AGBL2: variants seen among roughly 807,000 people sequenced by gnomAD.
AGBL2 encodes AGBL carboxypeptidase 2.
A neutral mutation model predicts 103.0 loss-of-function variants in AGBL2; 87 were observed. The observed-to-expected ratio is 0.84, with a 90% CI of 0.71 to 1.01. The LOEUF is 1.01. AGBL2 is among the 50% of genes least tolerant of loss of function. The pLI, the probability that AGBL2 is intolerant of heterozygous loss-of-function variation, is 0.00. For missense variants in AGBL2, 904 were observed against 1,023.5 expected (o/e 0.88, Z 1.59); for synonymous variants, 335 against 356.7 (o/e 0.94, Z 0.69).
intron 14 of AGBL2, 47 bp downstream of exon 14, chr11:47,677,224 C>A: frequency 6.9e-7 from 1 of 1,447,480 alleles, no homozygotes; most frequent in Non-Finnish European, 9.2e-7. Flanking sequence ...CCCAGGTTAA[C>A]AACAAAGTAT....
intron 17 of AGBL2, among the ~76,000 whole-genome samples, chr11:47,665,901 C>A (rs1175033860): frequency 6.6e-6 from 1 of 151,910 alleles, no homozygotes; most frequent in Admixed American, 6.6e-5. Context: ...CCCAGCTACT[C>A]GGGAGGCTGA....
chr11:47,674,212 G>A (rs1248683080), intron 14 of AGBL2, among the ~76,000 whole-genome samples: 1 of 152,156 alleles, frequency 6.6e-6, no homozygotes, highest in African/African-American at 2.4e-5. Flanking sequence ...TGGCAGGAGG[G>A]TGAAGGAGGG....
intron 1 of AGBL2, 59 bp from the exon 2 acceptor site, chr11:47,714,809 A>G (rs770221504): frequency 4.2e-6 from 3 of 720,352 alleles, no homozygotes; most frequent in African/African-American, 1.7e-5. Context: ...GGCGCCCCCC[A>G]GCTCCCTCTT....
chr11:47,699,301 T>A (rs1213628589), intron 8 of AGBL2, 145 bp downstream of exon 8: 1 of 474,096 alleles, frequency 2.1e-6, no homozygotes. Flanking sequence ...TGGTTATGAC[T>A]CCTCCTCCAG....
rs770774163 is a variant in AGBL2 at position 47,690,444 on chromosome 11, C to T, written c.1263G>A (p.Lys421=). 1.4e-5 allele frequency: 22 copies of T among 1,613,994 alleles called. No individual in the cohort carries two copies. Among genetic ancestry groups the T allele is most frequent in the African/African-American group, 2.7e-5 (2 of 74,892 alleles). The part of the protein sequence containing the change: ...ANNPIQSQFC[K]LQTLCRSLAG... Reference sequence around the variant, plus strand: ...CTAGGCTCCTGCATAAAGTTTGGAGCTTGCAGAACTGAGACTGGATAGGGT... The same window carrying T: ...CTAGGCTCCTGCATAAAGTTTGGAGTTTGCAGAACTGAGACTGGATAGGGT... Residue 421 remains lysine, a synonymous_variant, in exon 10 of 19, where the codon AAG becomes AAA. Coordinates refer to ENST00000525123, the MANE Select transcript of AGBL2 (RefSeq NM_024783.4).
chr11:47,677,226 A>G (rs1464984082), intron 14 of AGBL2, 45 bp downstream of exon 14: 4 of 1,462,628 alleles, frequency 2.7e-6, no homozygotes, highest in Non-Finnish European at 3.6e-6. Context: ...CAGGTTAACA[A>G]CAAAGTATTT....
intron 7 of AGBL2, 103 bp from the exon 8 acceptor site, chr11:47,699,656 G>A (rs1361503540): frequency 3.2e-6 from 2 of 622,502 alleles, no homozygotes; most frequent in African/African-American, 3.9e-5. Flanking sequence ...TGGCTAGTTT[G>A]GTTGAATCAA....
chr11:47,686,577 G>A (rs1005730083), intron 10 of AGBL2, among the ~76,000 whole-genome samples: 1 of 151,140 alleles, frequency 6.6e-6, no homozygotes, highest in East Asian at 1.9e-4. Context: ...TTTGGATAGT[G>A]GGGGTGGATC....
At position 47,673,668 on chromosome 11, in the gene AGBL2, G is replaced by A. The variant is rs527810787; in HGVS notation, c.2147+3603C>T. 3.9e-3 allele frequency among the ~76,000 whole-genome samples: 584 copies of A among 150,518 alleles called. 4 individuals carry two copies. The highest frequency in any genetic ancestry group is 6.7e-3 in the Non-Finnish European group (455 of 67,644). ...TTAGCAGGCATGGTGGTGGGCGCCT[G>A]TAATAATCCCAGCTACTCGGGAGAC... On this transcript the variant is annotated intron_variant, in intron 14 of 18. Transcript: ENST00000525123.
chr11:47,709,130 A>G lies in AGBL2; in HGVS notation c.232+1247T>C, dbSNP rs534036014. ...AGAGCGAGACTCCGTCTCAAAACAAAACAAAACAATATTGTATTTTACGGT... is the reference window on the plus strand; with the variant it reads ...AGAGCGAGACTCCGTCTCAAAACAAGACAAAACAATATTGTATTTTACGGT... On this transcript the variant is annotated intron_variant, in intron 4 of 18. Transcript: ENST00000525123. Among the ~76,000 whole-genome samples, 3 of 152,358 alleles carry G rather than the reference A, an allele frequency of 2.0e-5. No individual in the cohort carries two copies. In the East Asian group the frequency reaches 5.8e-4, roughly 29 times the overall value.
At chr11:47,692,359 C>T (rs2097450811) in intron 8 of AGBL2, 103 bp from the exon 9 acceptor site, 5 of 452,698 alleles carry the variant, frequency 1.1e-5, no homozygotes, top group Non-Finnish European at 1.8e-5. Context: ...TCTAGACCAA[C>T]AATGAAATTT....
At chr11:47,681,827 G>A in intron 12 of AGBL2, 142 bp downstream of exon 12, 1 of 985,570 alleles carries the variant, frequency 1.0e-6, no homozygotes, top group South Asian at 1.9e-5. Context: ...CATATGTTGG[G>A]CACTCAAATT....
At chr11:47,665,556 T>A (rs928535430) in intron 17 of AGBL2, among the ~76,000 whole-genome samples, 3 of 151,886 alleles carry the variant, frequency 2.0e-5, no homozygotes, top group African/African-American at 7.2e-5. Flanking sequence ...TCTGGTCTCA[T>A]GTGATCTGCC....
At chr11:47,674,086 C>A (rs550796764) in intron 14 of AGBL2, among the ~76,000 whole-genome samples, 1 of 151,980 alleles carries the variant, frequency 6.6e-6, no homozygotes, top group Admixed American at 6.6e-5. Flanking sequence ...GAGTGAAAGT[C>A]TGTCTCAAAA....
chr11:47,670,562 A>G (rs182898733), intron 14 of AGBL2, among the ~76,000 whole-genome samples: 305 of 152,250 alleles, frequency 2.0e-3, no homozygotes, highest in Middle Eastern at 0.014. Flanking sequence ...TTCCTTCAAA[A>G]GTTTTGAATG....
In AGBL2 at chr11:47,692,098, C is replaced by T; in HGVS notation, c.848+5G>A. 1.2e-6 allele frequency: 2 copies of T among 1,606,228 alleles called. No individual in the cohort carries two copies. Among genetic ancestry groups the T allele is most frequent in the Non-Finnish European group, 1.7e-6 (2 of 1,174,542 alleles). On this transcript the variant is annotated splice_donor_5th_base_variant and intron_variant, in intron 9 of 18. Transcript: ENST00000525123. ...TTATCATCCCTTTGAGAAATTGTTA[C>T]TCACACTCTGACAGCTTTTTGCAGA...
intron 3 of AGBL2, among the ~76,000 whole-genome samples, chr11:47,713,782 G>T (rs1349792235): frequency 6.6e-6 from 1 of 151,278 alleles, no homozygotes; most frequent in Non-Finnish European, 1.5e-5. Context: ...GTAGAGACGG[G>T]GTTTCACCGT....
intron 5 of AGBL2, 32 bp from the exon 6 acceptor site, chr11:47,705,666 A>G: frequency 1.7e-6 from 1 of 602,320 alleles, no homozygotes; most frequent in Non-Finnish European, 3.0e-6. Context: ...AAGAAAAAGA[A>G]AAAGAAGAAA....
At chr11:47,710,284 G>T in intron 4 of AGBL2, 93 bp downstream of exon 4, 1 of 1,505,194 alleles carries the variant, frequency 6.6e-7, no homozygotes, top group Non-Finnish European at 9.2e-7. Flanking sequence ...CTGCTCCCTG[G>T]CCTCTCCCAT....
Sources: gnomAD v4.1 joint callset for allele counts (sites outside exome capture counted in the v4.1 genomes callset) on GRCh38, gnomAD v4.1.1 for gene constraint, MANE v1.5 for transcripts, NCBI Gene and HGNC (gene_info 2026-07-23, HGNC 2026-07-21) for gene names.